The following MYRIP variants were observed in gnomAD, a reference collection of about 807,000 sequenced individuals.
The protein encoded by MYRIP is rab effector MyRIP.
MYRIP carries 49 observed loss-of-function variants against 98.0 expected under a neutral mutation model. That is an observed-to-expected ratio of 0.50 (90% confidence interval 0.40 to 0.63). MYRIP has a LOEUF of 0.63. Among genes scored for constraint, MYRIP ranks in the 30% least tolerant of loss-of-function variants. The pLI, the probability that MYRIP is intolerant of heterozygous loss-of-function variation, is 0.00. For missense variants in MYRIP, 1,004 were observed against 1,058.2 expected (o/e 0.95, Z 0.71); for synonymous variants, 404 against 409.5 (o/e 0.99, Z 0.16).
At chr3:39,933,404 A>C (rs1448643921) in intron 2 of MYRIP, among the ~76,000 whole-genome samples, 1 of 152,214 alleles carries the variant, frequency 6.6e-6, no homozygotes. Flanking sequence ...ATCACTCAAA[A>C]TATTTCTTTG....
chr3:39,880,228 T>C (rs1648183183), intron 1 of MYRIP, among the ~76,000 whole-genome samples: 1 of 152,198 alleles, frequency 6.6e-6, no homozygotes, highest in Non-Finnish European at 1.5e-5. Flanking sequence ...GTCAAATTCC[T>C]CAAATATTTG....
chr3:40,250,484 G>A lies in MYRIP; in HGVS notation c.2413G>A (p.Ala805Thr), dbSNP rs142912191. ...AAGGCAGCAAAGGAGGAAACTGCCTGCTCCACCGGTGAAAGGTATGCTAAA... is the reference window on the plus strand; with the variant it reads ...AAGGCAGCAAAGGAGGAAACTGCCTACTCCACCGGTGAAAGGTATGCTAAA... ...TSRQQRRKLP[A>T]PPVKAEKIET... Residue 805 changes from alanine to threonine, a missense_variant, in exon 15 of 17, where the codon GCT (alanine) becomes ACT (threonine). By Grantham distance (58) the Ala-to-Thr change is moderately conservative (BLOSUM62 0). Transcript: ENST00000302541. The A allele has an allele frequency of 4.3e-6, 7 of 1,614,076 alleles. No individual in the cohort carries two copies. The highest frequency in any genetic ancestry group is 1.1e-5 in the South Asian group (1 of 91,086).
At chr3:40,147,894 C>T (rs1950041800) in intron 3 of MYRIP, among the ~76,000 whole-genome samples, 2 of 152,218 alleles carry the variant, frequency 1.3e-5, no homozygotes, top group Admixed American at 6.5e-5. Flanking sequence ...CTTCATTGTA[C>T]TCCTGGGACA....
chr3:40,091,753 A>G (rs1471569102), intron 3 of MYRIP, among the ~76,000 whole-genome samples: 2 of 152,130 alleles, frequency 1.3e-5, no homozygotes, highest in African/African-American at 2.4e-5. Flanking sequence ...AATGCATTTG[A>G]TCTACAAATT....
chr3:39,940,795 A>G (rs1047114683), intron 2 of MYRIP, among the ~76,000 whole-genome samples: 6 of 152,168 alleles, frequency 3.9e-5, no homozygotes, highest in Non-Finnish European at 7.4e-5. Context: ...TTCTTTAAAA[A>G]TGCTTTCTGG....
chr3:40,093,809 A>G (rs1022051778), intron 3 of MYRIP, among the ~76,000 whole-genome samples: 1 of 152,222 alleles, frequency 6.6e-6, no homozygotes, highest in Non-Finnish European at 1.5e-5. Flanking sequence ...AATTTGCTTT[A>G]AACTCCTAAC....
rs1308476567 is a variant in MYRIP at position 40,100,031 on chromosome 3, T to C, written c.333-51017T>C. On this transcript the variant is annotated intron_variant, in intron 3 of 16. Transcript: ENST00000302541. ...GTAATAGAAACGAGCAGTAGCACTGTGCTGTTCCTTCACTCTGGTATTGCT... is the reference window on the plus strand; with the variant it reads ...GTAATAGAAACGAGCAGTAGCACTGCGCTGTTCCTTCACTCTGGTATTGCT... 3.0e-6 allele frequency: 3 copies of C among 985,130 alleles called. No individual in the cohort carries two copies. In the Admixed American group the frequency reaches 1.8e-4, roughly 61 times the overall value. 61.0% of individuals were successfully genotyped at this position (985,130 alleles called of 1,614,324 possible). A position where few individuals can be genotyped will look rare whatever the true frequency, so the allele number is the denominator to read the frequency against.
intron 3 of MYRIP, among the ~76,000 whole-genome samples, chr3:40,123,345 G>A (rs1949445598): frequency 6.6e-6 from 1 of 152,172 alleles, no homozygotes; most frequent in Non-Finnish European, 1.5e-5. Context: ...ATTTAAGATT[G>A]TCCTTTGGTC....
intron 4 of MYRIP, among the ~76,000 whole-genome samples, chr3:40,159,728 A>G (rs1004980331): frequency 2.6e-5 from 4 of 151,048 alleles, no homozygotes; most frequent in African/African-American, 4.9e-5. Flanking sequence ...TTCCCTTCTC[A>G]CTTCATTTCA....
chr3:39,951,392 A>C (rs1018525734), intron 2 of MYRIP, among the ~76,000 whole-genome samples: 3 of 152,042 alleles, frequency 2.0e-5, no homozygotes, highest in Admixed American at 2.0e-4. Flanking sequence ...TCAAGCTTCC[A>C]AGTAAATCTA....
At chr3:40,188,127 G>A (rs1179625617) in intron 9 of MYRIP, among the ~76,000 whole-genome samples, 5 of 152,220 alleles carry the variant, frequency 3.3e-5, no homozygotes, top group African/African-American at 1.2e-4. Context: ...CAGTGGAAGT[G>A]GAACTGGGTT....
chr3:40,061,895 T>C (rs938224841), intron 3 of MYRIP, among the ~76,000 whole-genome samples: 6 of 152,228 alleles, frequency 3.9e-5, no homozygotes, highest in African/African-American at 9.6e-5. Context: ...CATGTATGTC[T>C]TCTTTTGAGA....
chr3:40,134,018 G>C (rs1029706134), intron 3 of MYRIP, among the ~76,000 whole-genome samples: 1 of 152,228 alleles, frequency 6.6e-6, no homozygotes, highest in Admixed American at 6.5e-5. Context: ...TCACTGGGGA[G>C]TGCCGGACAG....
intron 12 of MYRIP, among the ~76,000 whole-genome samples, chr3:40,234,850 TG>T (rs1361674620): frequency 2.0e-5 from 3 of 151,948 alleles, no homozygotes; most frequent in Admixed American, 6.6e-5. Context: ...AAAAATTAGC[TG>T]GGTGTCATGG....
chr3:40,167,954 A>T (rs1950532574), intron 7 of MYRIP, among the ~76,000 whole-genome samples: 1 of 152,178 alleles, frequency 6.6e-6, no homozygotes, highest in Non-Finnish European at 1.5e-5. Flanking sequence ...TGCACCAACA[A>T]GGAAGGTTTC....
At chr3:39,913,601 A>G (rs1223894457) in intron 2 of MYRIP, among the ~76,000 whole-genome samples, 10 of 152,248 alleles carry the variant, frequency 6.6e-5, no homozygotes, top group Middle Eastern at 3.2e-3. Context: ...AAGAAAAATC[A>G]GTTAACATTG....
In MYRIP at chr3:40,075,441, C is replaced by T. The variant is rs1014012834; in HGVS notation, c.332+31170C>T. On this transcript the variant is annotated intron_variant, in intron 3 of 16. Transcript: ENST00000302541. ...TCCACCTGTCCTGATGGGAGAAGGG[C>T]GAGAGCATGGCTTTGGAGCCAAACC... Among the ~76,000 whole-genome samples the T allele has an allele frequency of 3.3e-5, 5 of 152,152 alleles. No homozygotes were observed. The South Asian group carries it at 6.2e-4, about 19-fold the overall frequency.
At chr3:40,158,379 G>A (rs1475688149) in intron 4 of MYRIP, among the ~76,000 whole-genome samples, 1 of 152,100 alleles carries the variant, frequency 6.6e-6, no homozygotes, top group East Asian at 1.9e-4. Context: ...TATAATTTCT[G>A]TTCTTTTACA....
chr3:40,252,176 G>A lies in MYRIP; in HGVS notation c.2547+177G>A, dbSNP rs531680114. On this transcript the variant is annotated intron_variant, in intron 16 of 16. Coordinates refer to ENST00000302541, the MANE Select transcript of MYRIP (RefSeq NM_015460.4). The stretch of plus-strand genomic sequence containing the variant: ...GACTTAGCAGTAAACCAAGAGCAGA[G>A]TGCTTGGTTGAATAAGGCCATGAAG... 1.4e-4 allele frequency among the ~76,000 whole-genome samples: 22 copies of A among 152,176 alleles called. No homozygotes were observed. The South Asian group carries it at 4.6e-3, about 32-fold the overall frequency.
Sources: gnomAD v4.1 joint callset for allele counts (sites outside exome capture counted in the v4.1 genomes callset) on GRCh38, gnomAD v4.1.1 for gene constraint, MANE v1.5 for transcripts, NCBI Gene and HGNC (gene_info 2026-07-23, HGNC 2026-07-21) for gene names.